The following AEBP1 variants were observed in gnomAD, a reference collection of about 807,000 sequenced individuals.
The protein encoded by AEBP1 is AE binding protein 1, also known as adipocyte enhancer-binding protein 1.
AEBP1 carries 69 observed loss-of-function variants against 116.5 expected under a neutral mutation model. That is an observed-to-expected ratio of 0.59 (90% CI 0.49 to 0.72). The LOEUF is 0.72. Among genes scored for constraint, AEBP1 ranks in the 30% least tolerant of loss-of-function variants. The pLI is 0.00. For missense variants in AEBP1, 1,444 were observed against 1,557.5 expected (o/e 0.93, Z 1.23); for synonymous variants, 627 against 627.3 (o/e 1.00, Z 0.01).
chr7:44,104,534 C>G lies in AEBP1; in HGVS notation c.-132C>G. The G allele has an allele frequency of 1.7e-6, 1 of 588,032 alleles. No homozygotes were observed. The highest frequency in any genetic ancestry group is 2.7e-6 in the Non-Finnish European group (1 of 366,572). The allele number at this position is 588,032 out of a possible 1,614,324, so 36.4% of individuals were successfully genotyped here. A position where few individuals can be genotyped will look rare whatever the true frequency, so the allele number is the denominator to read the frequency against. On this transcript the variant is annotated 5_prime_UTR_variant, in exon 1 of 21. Coordinates refer to ENST00000223357, the MANE Select transcript of AEBP1 (RefSeq NM_001129.5). ...TCCCTCCCTTTCCCGGATTCCCTCG[C>G]TCACCCCATCCTCTCTCCCGCCCCT... is the stretch of plus-strand genomic sequence containing the variant.
chr7:44,111,483 C>T lies in AEBP1; in HGVS notation c.1717-24C>T, dbSNP rs2096229349. On this transcript the variant is annotated intron_variant, in intron 14 of 20. Coordinates refer to ENST00000223357, the MANE Select transcript of AEBP1 (RefSeq NM_001129.5). This position sits in a 1 kb window ranked among gnomAD's most constrained non-coding sequence, Gnocchi z 4.7. ...CGGGGGACGGATTGCATGATTGATT[C>T]CACGTCCTCCCCCTCTGCCCCAGCT... 1.3e-6 allele frequency: 2 copies of T among 1,557,448 alleles called. No individual in the cohort carries two copies. Among genetic ancestry groups the T allele is most frequent in the Non-Finnish European group, 1.7e-6 (2 of 1,151,994 alleles).
chr7:44,109,121 G>A lies in AEBP1; in HGVS notation c.1033G>A (p.Glu345Lys), dbSNP rs2096226133. 1.9e-6 allele frequency: 3 copies of A among 1,613,478 alleles called. No individual in the cohort carries two copies. The highest frequency in any genetic ancestry group is 2.5e-6 in the Non-Finnish European group (3 of 1,179,988). ...EKEELKKPKK[E>K]DSSPKEETDK... ...GCACCTTCCAGAGAAACCCAAAAAGGAGGACAGCAGCCCCAAGGAGGAGAC... is the reference window on the plus strand; with the variant it reads ...GCACCTTCCAGAGAAACCCAAAAAGAAGGACAGCAGCCCCAAGGAGGAGAC... Residue 345 changes from glutamate to lysine, a missense_variant, in exon 8 of 21, where the codon GAG becomes AAG. Coordinates refer to ENST00000223357, the MANE Select transcript of AEBP1 (RefSeq NM_001129.5).
rs775344638 is a variant in AEBP1, at chr7:44,111,182, G to C, written c.1659G>C (p.Glu553Asp). ...TCTACAGCTACTACGCACAGAATGA[G>C]GTGGTGGCCACCGATGACCTGGATT... Reference protein sequence around the residue: ...APVYSYYAQNEVVATDDLDFR... With the variant: ...APVYSYYAQNDVVATDDLDFR... The change falls in exon 14 of 21, where the codon GAG becomes GAC. Residue 553 changes from glutamate to aspartate, a missense_variant. Coordinates refer to ENST00000223357, the MANE Select transcript of AEBP1 (RefSeq NM_001129.5). This position sits in a 1 kb window ranked among gnomAD's most constrained non-coding sequence, Gnocchi z 4.7. The C allele has an allele frequency of 7.9e-6, 12 of 1,520,308 alleles. No individual in the cohort carries two copies. The Admixed American group carries it at 2.4e-4, about 30-fold the overall frequency. The allele number at this position is 1,520,308 out of a possible 1,614,324, so 94.2% of individuals were successfully genotyped here.
In AEBP1 at chr7:44,111,147, C is replaced by T; in HGVS notation, c.1631-7C>T. 1 of 1,556,680 alleles carries T rather than the reference C, an allele frequency of 6.4e-7. No homozygotes were observed. The highest frequency in any genetic ancestry group is 1.4e-5 in the African/African-American group (1 of 73,596). ...CCCAGCTAAAGACAACCCCGCCTCC[C>T]TTGCAGCTGTCTACAGCTACTACGC... On this transcript the variant is annotated splice_region_variant and splice_polypyrimidine_tract_variant and intron_variant, in intron 13 of 20. Coordinates refer to ENST00000223357, the MANE Select transcript of AEBP1 (RefSeq NM_001129.5). The surrounding 1 kb of genome is among the most constrained non-coding windows in gnomAD (Gnocchi z 4.7).
At position 44,107,891 on chromosome 7, in the gene AEBP1, T is replaced by G; in HGVS notation, c.822T>G (p.Pro274=). 1 of 1,599,366 alleles carries G rather than the reference T, an allele frequency of 6.3e-7. No homozygotes were observed. The highest frequency in any genetic ancestry group is 8.5e-7 in the Non-Finnish European group (1 of 1,173,872). Residue 274 remains proline, a synonymous_variant, in exon 5 of 21, where the codon CCT becomes CCG. Coordinates refer to ENST00000223357, the MANE Select transcript of AEBP1 (RefSeq NM_001129.5). The surrounding 1 kb of genome is among the most constrained non-coding windows in gnomAD (Gnocchi z 4.3). ...RRPERVWPEP[P]EEKAPAPAPE... is the part of the protein sequence containing the mutation. The stretch of plus-strand genomic sequence containing the variant: ...CCGAGCGGGTCTGGCCAGAGCCCCC[T>G]GAGGAGAAGGCCCCGGCCCCAGCCC...
At chr7:44,109,870 GCACCAGGGAGC>G (rs1027392105) in intron 9 of AEBP1, 134 bp from the exon 10 acceptor site, 22 of 709,592 alleles carry the variant, frequency 3.1e-5, no homozygotes, top group Middle Eastern at 4.9e-4. Context: ...CTGGTGCAGG[GCACCAGGGAGC>G]CACCAGCTGA....
rs202186949 is a variant in AEBP1 at position 44,109,332 on chromosome 7, G to C, written c.1141G>C (p.Glu381Gln). 23 of 1,463,762 alleles carry C rather than the reference G, an allele frequency of 1.6e-5. No individual in the cohort carries two copies. The highest frequency in any genetic ancestry group is 2.0e-5 in the Non-Finnish European group (22 of 1,088,810). The allele number at this position is 1,463,762 out of a possible 1,614,324, so 90.7% of individuals were successfully genotyped here. A position where few individuals can be genotyped will look rare whatever the true frequency, so the allele number is the denominator to read the frequency against. Residue 381 changes from glutamate to glutamine, a missense_variant, in exon 9 of 21, where the codon GAG (glutamate) becomes CAG (glutamine). By Grantham distance (29) the Glu-to-Gln change is conservative. Transcript: ENST00000223357. ...EELEEEWTPT[E>Q]KVKCPPIGME... ...GTTGGAGGAGGAGTGGACGCCTACG[G>C]AGAAAGTCAGTAAGTGGGGGGCACA...
rs755057368 is a variant in AEBP1 at position 44,112,040 on chromosome 7, C to T, written c.2027C>T (p.Ala676Val). 3 of 1,612,834 alleles carry T rather than the reference C, an allele frequency of 1.9e-6. No homozygotes were observed. The highest frequency in any genetic ancestry group is 2.5e-6 in the Non-Finnish European group (3 of 1,179,198). The change falls in exon 16 of 21, where the codon GCA (alanine) becomes GTA (valine). Residue 676 changes from alanine (A) to valine (V), a missense_variant. Coordinates refer to ENST00000223357, the MANE Select transcript of AEBP1 (RefSeq NM_001129.5). The surrounding 1 kb of genome is among the most constrained non-coding windows in gnomAD (Gnocchi z 6.6). ...CTGAACCCTGATGGCTACGAGGTGGCAGCGCAGATGGTGGGTTGAAGGGTG... is the reference window on the plus strand; with the variant it reads ...CTGAACCCTGATGGCTACGAGGTGGTAGCGCAGATGGTGGGTTGAAGGGTG... ...PSLNPDGYEV[A>V]AQMGSEFGNW...
chr7:44,113,754 C>A lies in AEBP1; in HGVS notation c.2970C>A (p.Ile990=), dbSNP rs1583557035. The change falls in exon 21 of 21, where the codon ATC becomes ATA. Residue 990 remains isoleucine (I), a synonymous_variant. Coordinates refer to ENST00000223357, the MANE Select transcript of AEBP1 (RefSeq NM_001129.5). The surrounding 1 kb of genome is among the most constrained non-coding windows in gnomAD (Gnocchi z 5.3). ...TGGCTCGCTCCAACTGGAAGCGCAT[C>A]CGGGAGATCATGGCCATGAACGGGA... ...FILARSNWKR[I]REIMAMNGNR... is the part of the protein sequence containing the mutation. 1 of 1,614,120 alleles carries A rather than the reference C, an allele frequency of 6.2e-7. No homozygotes were observed. The highest frequency in any genetic ancestry group is 1.1e-5 in the South Asian group (1 of 91,086).
Position 44,107,334 on chromosome 7 carries a change from TC to T in AEBP1, c.596-103del. The T allele has an allele frequency of 8.7e-7, 1 of 1,147,822 alleles. No homozygotes were observed. 71.1% of individuals were successfully genotyped at this position (1,147,822 alleles called of 1,614,324 possible). On this transcript the variant is annotated intron_variant, in intron 2 of 20. Coordinates refer to ENST00000223357, the MANE Select transcript of AEBP1 (RefSeq NM_001129.5). This position sits in a 1 kb window ranked among gnomAD's most constrained non-coding sequence, Gnocchi z 4.3. ...GAGTGAGCTCGGCCTCAGGAGGGTG[TC>T]CACAGGCTCTGTGTGGGCTCTATGG... is the stretch of plus-strand genomic sequence containing the variant.
In AEBP1 at chr7:44,104,809, G is replaced by GC; in HGVS notation, c.148dup (p.Arg50ProfsTer88). On this transcript the variant is annotated frameshift_variant, in exon 1 of 21. Coordinates refer to ENST00000223357, the MANE Select transcript of AEBP1 (RefSeq NM_001129.5). LOFTEE classifies it high-confidence loss of function. ...GCTTCCTGTCAGAGCTAGAACCTGA[G>GC]CCCCGGGAGGACGACGTGGAGGCCC... 1 of 1,607,364 alleles carries GC rather than the reference G, an allele frequency of 6.2e-7. No individual in the cohort carries two copies. The highest frequency in any genetic ancestry group is 8.5e-7 in the Non-Finnish European group (1 of 1,177,740).
chr7:44,106,844 C>T lies in AEBP1; in HGVS notation c.552C>T (p.Pro184=). Residue 184 remains proline (P), a synonymous_variant, in exon 2 of 21, where the codon CCC becomes CCT. Coordinates refer to ENST00000223357, the MANE Select transcript of AEBP1 (RefSeq NM_001129.5). ...APSETLEWPL[P]PPPSPGPEEL... ...CAGAAACCCTGGAGTGGCCACTGCC[C>T]CCACCCCCCAGCCCTGGCCCCGAGG... 6.2e-7 allele frequency: 1 copy of T among 1,603,742 alleles called. No homozygotes were observed. Among genetic ancestry groups the T allele is most frequent in the Non-Finnish European group, 8.5e-7 (1 of 1,176,044 alleles).
In AEBP1 at chr7:44,107,438, G is replaced by C. The variant is rs759164326; in HGVS notation, c.596-1G>C. On this transcript the variant is annotated splice_acceptor_variant, in intron 2 of 20. Transcript: ENST00000223357. LOFTEE classifies it high-confidence loss of function. This position sits in a 1 kb window ranked among gnomAD's most constrained non-coding sequence, Gnocchi z 4.3. ...CTGCTTCTGGAACTCCTGTGTTGCA[G>C]GGGCGCCCCTCTCAAATAACTGGCA... The C allele has an allele frequency of 1.2e-6, 2 of 1,613,248 alleles. No homozygotes were observed. The highest frequency in any genetic ancestry group is 1.7e-6 in the Non-Finnish European group (2 of 1,179,960).
Position 44,111,451 on chromosome 7 carries a change from TG to T in AEBP1, c.1717-54del. 1 of 1,526,610 alleles carries T rather than the reference TG, an allele frequency of 6.6e-7. No homozygotes were observed. The highest frequency in any genetic ancestry group is 8.8e-7 in the Non-Finnish European group (1 of 1,136,458). The allele number at this position is 1,526,610 out of a possible 1,614,324, so 94.6% of individuals were successfully genotyped here. ...GCAGGCCCTGGAAGTGGAAGGGGCA[TG>T]GTCAGCGGGGGACGGATTGCATGAT... On this transcript the variant is annotated intron_variant, in intron 14 of 20. Coordinates refer to ENST00000223357, the MANE Select transcript of AEBP1 (RefSeq NM_001129.5). This position sits in a 1 kb window ranked among gnomAD's most constrained non-coding sequence, Gnocchi z 4.7.
rs955057830 is a variant in AEBP1, at chr7:44,113,678, A to T, written c.2894A>T (p.Lys965Met). The T allele has an allele frequency of 6.2e-7, 1 of 1,613,982 alleles. No individual in the cohort carries two copies. The highest frequency in any genetic ancestry group is 8.5e-7 in the Non-Finnish European group (1 of 1,179,970). ...AHAEGYTPSA[K>M]TCNVDYDIGA... Reference sequence around the variant, plus strand: ...GCGGAGGGCTACACCCCGAGCGCCAAGACCTGCAATGTTGACTATGACATC... The same window carrying T: ...GCGGAGGGCTACACCCCGAGCGCCATGACCTGCAATGTTGACTATGACATC... Residue 965 changes from lysine (K) to methionine (M), a missense_variant, in exon 21 of 21, where the codon AAG becomes ATG. Coordinates refer to ENST00000223357, the MANE Select transcript of AEBP1 (RefSeq NM_001129.5). The surrounding 1 kb of genome is among the most constrained non-coding windows in gnomAD (Gnocchi z 5.3).
rs571065206 is a variant in AEBP1 at position 44,105,052 on chromosome 7, A to G, written c.253+134A>G. ...GGCTTACTAATGCGCACGCGAGCCCAGATGCCTGGAGGGACCCTGTGCTAG... is the reference window on the plus strand; with the variant it reads ...GGCTTACTAATGCGCACGCGAGCCCGGATGCCTGGAGGGACCCTGTGCTAG... On this transcript the variant is annotated intron_variant, in intron 1 of 20. Coordinates refer to ENST00000223357, the MANE Select transcript of AEBP1 (RefSeq NM_001129.5). 7.8e-5 allele frequency: 64 copies of G among 816,738 alleles called. 3 individuals carry two copies. In the South Asian group the frequency reaches 1.1e-3, roughly 15 times the overall value. The allele number at this position is 816,738 out of a possible 1,614,324, so 50.6% of individuals were successfully genotyped here. A position where few individuals can be genotyped will look rare whatever the true frequency, so the allele number is the denominator to read the frequency against.
In AEBP1 at chr7:44,110,253, A is replaced by C. The variant is rs747048648; in HGVS notation, c.1307A>C (p.Glu436Ala). 6.2e-7 allele frequency: 1 copy of C among 1,613,794 alleles called. No individual in the cohort carries two copies. Among genetic ancestry groups the C allele is most frequent in the Admixed American group, 1.7e-5 (1 of 60,024 alleles). Residue 436 changes from glutamate (E) to alanine (A), a missense_variant, in exon 11 of 21, where the codon GAG (glutamate) becomes GCG (alanine). Physicochemically the swap from Glu to Ala is moderately radical, Grantham distance 107. Transcript: ENST00000223357. ...DDYYDGAWCA[E>A]DDARTQWIEV... The stretch of plus-strand genomic sequence containing the variant: ...TACTATGATGGTGCGTGGTGTGCCG[A>C]GGACGATGCCAGGACCCAGTGGATA...
rs1211245473 is a variant in AEBP1, at chr7:44,113,499, CAG to C, written c.2810-92_2810-91del. 1.6e-5 allele frequency: 20 copies of C among 1,263,750 alleles called. No individual in the cohort carries two copies. Among genetic ancestry groups the C allele is most frequent in the African/African-American group, 3.3e-5 (1 of 30,424 alleles). The allele number at this position is 1,263,750 out of a possible 1,614,324, so 78.3% of individuals were successfully genotyped here. A position where few individuals can be genotyped will look rare whatever the true frequency, so the allele number is the denominator to read the frequency against. Reference sequence around the variant, plus strand: ...GAGGGCGGTGCTGGGGGCGGGAACTCAGAGGGGGAGGGCGGGGCTGGGGGCAG... The same window carrying C: ...GAGGGCGGTGCTGGGGGCGGGAACTCAGGGGGAGGGCGGGGCTGGGGGCAG... On this transcript the variant is annotated intron_variant, in intron 20 of 20. Coordinates refer to ENST00000223357, the MANE Select transcript of AEBP1 (RefSeq NM_001129.5). This position sits in a 1 kb window ranked among gnomAD's most constrained non-coding sequence, Gnocchi z 5.3.
rs766049309 is a variant in AEBP1, at chr7:44,104,764, G to C, written c.99G>C (p.Glu33Asp). 1 of 1,611,724 alleles carries C rather than the reference G, an allele frequency of 6.2e-7. No homozygotes were observed. Among genetic ancestry groups the C allele is most frequent in the Admixed American group, 1.7e-5 (1 of 59,970 alleles). ...CGCAGACGGTGCTGACCGACGACGA[G>C]ATCGAGGAGTTCCTCGAGGGCTTCC... ...GRPQTVLTDD[E>D]IEEFLEGFLS... Residue 33 changes from glutamate (E) to aspartate (D), a missense_variant, in exon 1 of 21, where the codon GAG becomes GAC. Coordinates refer to ENST00000223357, the MANE Select transcript of AEBP1 (RefSeq NM_001129.5).
Sources: gnomAD v4.1 joint callset for allele counts on GRCh38, gnomAD v4.1.1 for gene constraint, Gnocchi (gnomAD v3.1) non-coding constraint, MANE v1.5 for transcripts, NCBI Gene and HGNC (gene_info 2026-07-23, HGNC 2026-07-21) for gene names.